RAD54L: variants seen among roughly 807,000 people sequenced by gnomAD.
The protein encoded by RAD54L is DNA repair and recombination protein RAD54-like.
A neutral mutation model predicts 91.6 loss-of-function variants in RAD54L; 74 were observed. The observed-to-expected ratio is 0.81, with a 90% CI of 0.67 to 0.98. The LOEUF (loss-of-function observed/expected upper bound fraction) is 0.98, where lower values mean the gene tolerates loss of function less well. RAD54L is among the 50% of genes least tolerant of loss of function. The pLI, the probability that RAD54L is intolerant of heterozygous loss-of-function variation, is 0.00. For missense variants in RAD54L, 887 were observed against 945.7 expected (o/e 0.94, Z 0.81); for synonymous variants, 304 against 349.7 (o/e 0.87, Z 1.46).
At chr1:46,268,431 G>A (rs181089221) in intron 9 of RAD54L, among the ~76,000 whole-genome samples, 42 of 152,326 alleles carry the variant, frequency 2.8e-4, no homozygotes, top group Non-Finnish European at 4.6e-4. Flanking sequence ...CAGTGCTCAA[G>A]AGTAGGCAGA....
Position 46,252,839 on chromosome 1 carries a change from G to A in RAD54L, c.210+2720G>A, listed in dbSNP as rs192680711. Among the ~76,000 whole-genome samples, 27 of 152,312 alleles carry A rather than the reference G, an allele frequency of 1.8e-4. 1 individual carries two copies. The East Asian group carries it at 4.4e-3, about 25-fold the overall frequency. On this transcript the variant is annotated intron_variant, in intron 3 of 17. Coordinates refer to ENST00000371975, the MANE Select transcript of RAD54L (RefSeq NM_003579.4). ...TAATCCCAGCACTTTGGGAGGCTGA[G>A]GCAGGAGGATCACTTGAGCCCAGGA...
At chr1:46,248,483 C>A (rs1485328305) in intron 1 of RAD54L, 29 bp from the exon 2 acceptor site, 2 of 1,613,966 alleles carry the variant, frequency 1.2e-6, no homozygotes, top group Non-Finnish European at 1.7e-6. Context: ...AGGATCCTTG[C>A]AGGCACTGTT....
At chr1:46,259,935 C>G (rs1409988239) in intron 4 of RAD54L, 29 bp from the exon 5 acceptor site, 1 of 1,613,914 alleles carries the variant, frequency 6.2e-7, no homozygotes, top group African/African-American at 1.3e-5. Context: ...AACATAGATT[C>G]AGGTGACGGA....
chr1:46,264,116 T>G (rs1297367567), intron 8 of RAD54L, among the ~76,000 whole-genome samples: 1 of 152,166 alleles, frequency 6.6e-6, no homozygotes, highest in Non-Finnish European at 1.5e-5. Context: ...CCTTAGTGTT[T>G]TTTTCTTCCC....
intron 12 of RAD54L, 50 bp downstream of exon 12, chr1:46,272,852 G>C: frequency 6.2e-7 from 1 of 1,610,998 alleles, no homozygotes; most frequent in Non-Finnish European, 8.5e-7. Flanking sequence ...AGCAAGGGAG[G>C]GTAGGTTCCT....
chr1:46,259,629 A>C (rs1660040835), intron 4 of RAD54L, among the ~76,000 whole-genome samples: 1 of 152,030 alleles, frequency 6.6e-6, no homozygotes, highest in South Asian at 2.1e-4. Flanking sequence ...TACAAAAATT[A>C]GCTGGGTGTG....
intron 8 of RAD54L, among the ~76,000 whole-genome samples, chr1:46,266,339 C>T (rs1479862510): frequency 6.6e-6 from 1 of 152,212 alleles, no homozygotes; most frequent in Non-Finnish European, 1.5e-5. Flanking sequence ...GAAGGGTCTG[C>T]ATTTAATTGC....
intron 3 of RAD54L, among the ~76,000 whole-genome samples, chr1:46,255,116 G>A (rs1459456534): frequency 2.0e-5 from 3 of 152,236 alleles, no homozygotes; most frequent in African/African-American, 7.2e-5. Flanking sequence ...CAGAAGACAG[G>A]AAGAGTGGGA....
At chr1:46,248,654 C>A (rs2148274638) in intron 2 of RAD54L, 56 bp downstream of exon 2, 1 of 1,554,118 alleles carries the variant, frequency 6.4e-7, no homozygotes, top group Middle Eastern at 1.7e-4. Flanking sequence ...AGAAAAGAAG[C>A]CAGGATTTGG....
At chr1:46,272,884 C>A in intron 12 of RAD54L, 82 bp downstream of exon 12, 1 of 1,570,612 alleles carries the variant, frequency 6.4e-7, no homozygotes, top group Non-Finnish European at 8.7e-7. Context: ...GCAACCCTCA[C>A]TAAAACTCGT....
intron 14 of RAD54L, 57 bp from the exon 15 acceptor site, chr1:46,274,079 ATT>A: frequency 6.6e-7 from 1 of 1,512,348 alleles, no homozygotes; most frequent in Middle Eastern, 1.7e-4. Context: ...TTTATTTTTA[ATT>A]TTTTTTCCCC....
In RAD54L at chr1:46,260,707, T is replaced by C. The variant is rs1660088073; in HGVS notation, c.478-20T>C. 1 of 1,614,082 alleles carries C rather than the reference T, an allele frequency of 6.2e-7. No individual in the cohort carries two copies. Among genetic ancestry groups the C allele is most frequent in the Non-Finnish European group, 8.5e-7 (1 of 1,180,044 alleles). ...CAGCAGCGTAGGTGCCAAAGTGGAC[T>C]GAAGGCTGTTATTCTCTAGGGAGTG... On this transcript the variant is annotated intron_variant, in intron 6 of 17. Coordinates refer to ENST00000371975, the MANE Select transcript of RAD54L (RefSeq NM_003579.4).
At chr1:46,258,587 A>G in intron 3 of RAD54L, 99 bp from the exon 4 acceptor site, 1 of 935,942 alleles carries the variant, frequency 1.1e-6, no homozygotes, top group Non-Finnish European at 1.8e-6. Flanking sequence ...AGCCTCGAAG[A>G]TGGATGCTGT....
At chr1:46,270,560 T>C in intron 9 of RAD54L, 99 bp from the exon 10 acceptor site, 1 of 1,501,620 alleles carries the variant, frequency 6.7e-7, no homozygotes, top group Non-Finnish European at 9.2e-7. Context: ...TTGTTCTTGG[T>C]AGGAAGGCTG....
chr1:46,248,437 A>C, intron 1 of RAD54L, 29 bp downstream of exon 1: 1 of 1,614,110 alleles, frequency 6.2e-7, no homozygotes, highest in Non-Finnish European at 8.5e-7. Context: ...GAGACTGGGA[A>C]TAGCCCTGGG....
In RAD54L at chr1:46,256,635, TAAAA is replaced by T. The variant is rs575077176; in HGVS notation, c.211-2041_211-2038del. 3.0e-3 allele frequency among the ~76,000 whole-genome samples: 424 copies of T among 141,646 alleles called. 3 individuals are homozygous for T. Among genetic ancestry groups the T allele is most frequent in the Middle Eastern group, 7.2e-3 (2 of 278 alleles). The allele number at this position is 141,646 out of a possible 152,430, so 92.9% of individuals were successfully genotyped here. A position where few individuals can be genotyped will look rare whatever the true frequency, so the allele number is the denominator to read the frequency against. On this transcript the variant is annotated intron_variant, in intron 3 of 17. Coordinates refer to ENST00000371975, the MANE Select transcript of RAD54L (RefSeq NM_003579.4). ...GGCGACAAAATGAGACCCTGTCTTTTAAAAAAAAAAAAAGTCAATAAAAGATTTT... is the reference window on the plus strand; with the variant it reads ...GGCGACAAAATGAGACCCTGTCTTTTAAAAAAAAAGTCAATAAAAGATTTT...
chr1:46,273,502 G>T (rs993235859), intron 13 of RAD54L, 37 bp downstream of exon 13: 1 of 1,610,324 alleles, frequency 6.2e-7, no homozygotes. Context: ...GCTTCTCTAG[G>T]AGGAGGGTGG....
At chr1:46,274,485 A>T in intron 15 of RAD54L, 53 bp from the exon 16 acceptor site, 1 of 1,589,330 alleles carries the variant, frequency 6.3e-7, no homozygotes, top group Non-Finnish European at 8.6e-7. Context: ...GCTGAGCAGG[A>T]TCCCAGTTTA....
chr1:46,248,262 C>A lies in RAD54L; in HGVS notation c.-144C>A. 2 of 1,060,472 alleles carry A rather than the reference C, an allele frequency of 1.9e-6. No individual in the cohort carries two copies. The highest frequency in any genetic ancestry group is 1.4e-5 in the South Asian group (1 of 74,060). 65.7% of individuals were successfully genotyped at this position (1,060,472 alleles called of 1,614,324 possible). The stretch of plus-strand genomic sequence containing the variant: ...AGTTCCTGGATGGATTCCCGCCATC[C>A]ATGCCCCCTCTTTAATTAGCCGGTC... On this transcript the variant is annotated 5_prime_UTR_variant, in exon 1 of 18. Transcript: ENST00000371975.
Sources: gnomAD v4.1 joint callset for allele counts (sites outside exome capture counted in the v4.1 genomes callset) on GRCh38, gnomAD v4.1.1 for gene constraint, MANE v1.5 for transcripts, NCBI Gene and HGNC (gene_info 2026-07-23, HGNC 2026-07-21) for gene names.